The following PDXP variants were observed in gnomAD, a reference collection of about 807,000 sequenced individuals.
The protein encoded by PDXP is pyridoxal phosphatase, also known as chronophin.
A neutral mutation model predicts 14.4 loss-of-function variants in PDXP; 15 were observed. That is an observed-to-expected ratio of 1.04 (90% confidence interval 0.70 to 1.60). The LOEUF is 1.60. Among genes scored for constraint, PDXP ranks in the 40% most tolerant of loss-of-function variants. PDXP has a pLI of 0.00. For missense variants in PDXP, 413 were observed against 427.6 expected (o/e 0.97, Z 0.30); for synonymous variants, 233 against 205.6 (o/e 1.13, Z -1.14).
rs1203400540 is a variant in PDXP, at chr22:37,665,525, C to T, written c.575-30C>T. 2.6e-6 allele frequency: 4 copies of T among 1,560,672 alleles called. No homozygotes were observed. The African/African-American group carries it at 4.0e-5, about 16-fold the overall frequency. ...GGCCTGACGCTGTCCCTGCCGCCCT[C>T]CTGCTGACTGCGTCTCCATCTCCCT... On this transcript the variant is annotated intron_variant, in intron 1 of 1. Transcript: ENST00000215904.
At chr22:37,659,526 C>T (rs1251030054) in intron 1 of PDXP, among the ~76,000 whole-genome samples, 170 bp downstream of exon 1, 1 of 152,136 alleles carries the variant, frequency 6.6e-6, no homozygotes, top group Non-Finnish European at 1.5e-5. Flanking sequence ...TCCCTGTAGC[C>T]GTCATCCTGT....
Position 37,663,919 on chromosome 22 carries a change from C to CTCTT in PDXP, c.575-1635_575-1634insCTTT, listed in dbSNP as rs1486863368. Among the ~76,000 whole-genome samples the CTCTT allele has an allele frequency of 1.2e-3, 121 of 98,286 alleles. 3 individuals carry two copies. Among genetic ancestry groups the CTCTT allele is most frequent in the African/African-American group, 5.4e-3 (121 of 22,480 alleles). 64.5% of individuals were successfully genotyped at this position (98,286 alleles called of 152,430 possible). On this transcript the variant is annotated intron_variant, in intron 1 of 1. Coordinates refer to ENST00000215904, the MANE Select transcript of PDXP (RefSeq NM_020315.5). ...TGCAGCTGTGCCTGGAATACGTTGA[C>CTCTT]TTTTTTTTTTTTTTTTTTTTTTTTT...
In PDXP at chr22:37,659,213, G is replaced by T; in HGVS notation, c.431G>T (p.Arg144Leu). The part of the protein sequence containing the change: ...SAGDGAAPRV[R>L]AVLVGYDEHF... ...GGGGACGGCGCGGCCCCGCGCGTGC[G>T]CGCCGTGCTTGTGGGCTACGACGAG... The change falls in exon 1 of 2, where the codon CGC (arginine) becomes CTC (leucine). Residue 144 changes from arginine (R) to leucine (L), a missense_variant. Transcript: ENST00000215904. The T allele has an allele frequency of 1.6e-6, 2 of 1,278,538 alleles. No individual in the cohort carries two copies. Among genetic ancestry groups the T allele is most frequent in the Non-Finnish European group, 2.0e-6 (2 of 1,010,772 alleles). The allele number at this position is 1,278,538 out of a possible 1,614,324, so 79.2% of individuals were successfully genotyped here.
intron 1 of PDXP, among the ~76,000 whole-genome samples, chr22:37,663,789 T>G (rs1000679352): frequency 1.3e-5 from 2 of 152,034 alleles, no homozygotes; most frequent in African/African-American, 2.4e-5. Context: ...CAGTGAAGAG[T>G]GCCCTGGACC....
chr22:37,658,825 G>T lies in PDXP; in HGVS notation c.43G>T (p.Val15Leu). The T allele has an allele frequency of 8.4e-7, 1 of 1,188,964 alleles. No individual in the cohort carries two copies. The highest frequency in any genetic ancestry group is 1.0e-6 in the Non-Finnish European group (1 of 960,002). 73.7% of individuals were successfully genotyped at this position (1,188,964 alleles called of 1,614,324 possible). ...ERLRGAALRD[V>L]LGRAQGVLFD... ...GCTGCGCGGAGCGGCCCTGCGCGAC[G>T]TGCTGGGCCGGGCGCAGGGGGTCCT... The change falls in exon 1 of 2, where the codon GTG becomes TTG. Residue 15 changes from valine (V) to leucine (L), a missense_variant. Transcript: ENST00000215904.
Position 37,665,852 on chromosome 22 carries a change from C to T in PDXP, c.872C>T (p.Thr291Ile), listed in dbSNP as rs769953009. Residue 291 changes from threonine (T) to isoleucine (I), a missense_variant, in exon 2 of 2, where the codon ACA (threonine) becomes ATA (isoleucine). Coordinates refer to ENST00000215904, the MANE Select transcript of PDXP (RefSeq NM_020315.5). ...HYYVESIADL[T>I]EGLED ...TATGTGGAGAGCATCGCAGACTTGA[C>T]AGAGGGGTTGGAGGACTGAGCCCAC... 5.0e-6 allele frequency: 8 copies of T among 1,613,400 alleles called. No homozygotes were observed. In the Admixed American group the frequency reaches 8.3e-5, roughly 17 times the overall value.
At position 37,659,181 on chromosome 22, in the gene PDXP, G is replaced by A; in HGVS notation, c.399G>A (p.Pro133=). The part of the protein sequence containing the change: ...RAAGLRLAGD[P]SAGDGAAPRV... ...CGGGGCTGCGCCTGGCCGGGGACCC[G>A]AGCGCGGGGGACGGCGCGGCCCCGC... is the stretch of plus-strand genomic sequence containing the variant. The change falls in exon 1 of 2, where the codon CCG becomes CCA. Residue 133 remains proline (P), a synonymous_variant. Transcript: ENST00000215904. The A allele has an allele frequency of 8.4e-7, 1 of 1,189,084 alleles. No homozygotes were observed. The highest frequency in any genetic ancestry group is 1.0e-6 in the Non-Finnish European group (1 of 960,456). The allele number at this position is 1,189,084 out of a possible 1,614,324, so 73.7% of individuals were successfully genotyped here.
Position 37,658,786 on chromosome 22 carries a change from G to A in PDXP, c.4G>A (p.Ala2Thr). Residue 2 changes from alanine to threonine, a missense_variant, in exon 1 of 2, where the codon GCG (alanine) becomes ACG (threonine). Physicochemically the swap from Ala to Thr is moderately conservative, Grantham distance 58 (BLOSUM62 0). Coordinates refer to ENST00000215904, the MANE Select transcript of PDXP (RefSeq NM_020315.5). ...AGGCCGGCGGCCGGCCGGCTGCATGGCGCGCTGCGAGAGGCTGCGCGGAGC... is the reference window on the plus strand; with the variant it reads ...AGGCCGGCGGCCGGCCGGCTGCATGACGCGCTGCGAGAGGCTGCGCGGAGC... M[A>T]RCERLRGAAL... 8.5e-7 allele frequency: 1 copy of A among 1,171,780 alleles called. No individual in the cohort carries two copies. Among genetic ancestry groups the A allele is most frequent in the Non-Finnish European group, 1.1e-6 (1 of 949,344 alleles). The allele number at this position is 1,171,780 out of a possible 1,614,324, so 72.6% of individuals were successfully genotyped here. A position where few individuals can be genotyped will look rare whatever the true frequency, so the allele number is the denominator to read the frequency against.
chr22:37,665,519 C>G, intron 1 of PDXP, 36 bp from the exon 2 acceptor site: 1 of 1,531,460 alleles, frequency 6.5e-7, no homozygotes, highest in South Asian at 1.2e-5. Context: ...CTGTCCCTGC[C>G]GCCCTCCTGC....
intron 1 of PDXP, 125 bp downstream of exon 1, chr22:37,659,481 G>A (rs1287358552): frequency 1.5e-6 from 1 of 664,066 alleles, no homozygotes; most frequent in East Asian, 3.4e-5. Flanking sequence ...GAGTGCGAGG[G>A]AGGCCCAGGG....
chr22:37,662,987 CTAAA>C (rs536587448), intron 1 of PDXP, among the ~76,000 whole-genome samples: 2 of 150,472 alleles, frequency 1.3e-5, no homozygotes, highest in Non-Finnish European at 3.0e-5. Flanking sequence ...GACTCCATCT[CTAAA>C]TAAATAAATA....
chr22:37,663,533 A>T (rs151011023), intron 1 of PDXP, among the ~76,000 whole-genome samples: 1 of 151,944 alleles, frequency 6.6e-6, no homozygotes, highest in East Asian at 2.0e-4. Context: ...TCTTCACTCA[A>T]TATCATCCTG....
At chr22:37,665,221 C>T (rs1921029017) in intron 1 of PDXP, 3 of 390,756 alleles carry the variant, frequency 7.7e-6, no homozygotes, top group Non-Finnish European at 1.4e-5. Context: ...GCAGGACTGA[C>T]CGAGCCAGGC....
At position 37,665,586 on chromosome 22, in the gene PDXP, A is replaced by G. The variant is rs921600762; in HGVS notation, c.606A>G (p.Thr202=). 1 of 1,611,938 alleles carries G rather than the reference A, an allele frequency of 6.2e-7. No homozygotes were observed. Among genetic ancestry groups the G allele is most frequent in the East Asian group, 2.2e-5 (1 of 44,842 alleles). ...GTGSLAAAVE[T]ASGRQALVVG... ...GGAGCCTGGCCGCTGCAGTGGAGAC[A>G]GCCTCGGGACGCCAGGCCCTGGTGG... The change falls in exon 2 of 2, where the codon ACA becomes ACG. Residue 202 remains threonine (T), a synonymous_variant. Coordinates refer to ENST00000215904, the MANE Select transcript of PDXP (RefSeq NM_020315.5).
At position 37,658,772 on chromosome 22, in the gene PDXP, C is replaced by T. The variant is rs926105609; in HGVS notation, c.-11C>T. On this transcript the variant is annotated 5_prime_UTR_variant, in exon 1 of 2. Transcript: ENST00000215904. ...GAGCGCGGCGCGGGAGGCCGGCGGC[C>T]GGCCGGCTGCATGGCGCGCTGCGAG... The T allele has an allele frequency of 3.0e-5, 35 of 1,162,792 alleles. No homozygotes were observed. Among genetic ancestry groups the T allele is most frequent in the Middle Eastern group, 3.5e-4 (1 of 2,840 alleles). The allele number at this position is 1,162,792 out of a possible 1,614,324, so 72.0% of individuals were successfully genotyped here.
Position 37,661,420 on chromosome 22 carries a change from C to G in PDXP, c.574+2064C>G, listed in dbSNP as rs531038751. Reference sequence around the variant, plus strand: ...CATGATGTGTATGTCTGAAATAATGCAAATATCTCACCCCCAACTCCTCCT... The same window carrying G: ...CATGATGTGTATGTCTGAAATAATGGAAATATCTCACCCCCAACTCCTCCT... On this transcript the variant is annotated intron_variant, in intron 1 of 1. Coordinates refer to ENST00000215904, the MANE Select transcript of PDXP (RefSeq NM_020315.5). Among the ~76,000 whole-genome samples the G allele has an allele frequency of 2.0e-5, 3 of 152,230 alleles. No homozygotes were observed. In the South Asian group the frequency reaches 6.2e-4, roughly 32 times the overall value.
Position 37,665,422 on chromosome 22 carries a change from C to T in PDXP, c.575-133C>T, listed in dbSNP as rs1020564211. ...TACCCTTAACCACTACAGTGAGACT[C>T]GGAAGTGGGCTTTCTGGCTCCTGTC... On this transcript the variant is annotated intron_variant, in intron 1 of 1. Coordinates refer to ENST00000215904, the MANE Select transcript of PDXP (RefSeq NM_020315.5). 23 of 681,826 alleles carry T rather than the reference C, an allele frequency of 3.4e-5. No homozygotes were observed. The African/African-American group carries it at 3.4e-4, about 10-fold the overall frequency. 42.2% of individuals were successfully genotyped at this position (681,826 alleles called of 1,614,324 possible). A position where few individuals can be genotyped will look rare whatever the true frequency, so the allele number is the denominator to read the frequency against.
rs1569017736 is a variant in PDXP, at chr22:37,665,888, GC to G, written c.*19del. 1 of 1,604,194 alleles carries G rather than the reference GC, an allele frequency of 6.2e-7. No individual in the cohort carries two copies. Among genetic ancestry groups the G allele is most frequent in the East Asian group, 2.2e-5 (1 of 44,748 alleles). ...GAGGACTGAGCCCACTGCACCTGCAGCCACAGGCCCACCCCTCCCCACTCCC... is the reference window on the plus strand; with the variant it reads ...GAGGACTGAGCCCACTGCACCTGCAGCACAGGCCCACCCCTCCCCACTCCC... On this transcript the variant is annotated 3_prime_UTR_variant, in exon 2 of 2. Transcript: ENST00000215904.
chr22:37,665,443 C>A (rs6000855), intron 1 of PDXP, 112 bp from the exon 2 acceptor site: 9 of 840,936 alleles, frequency 1.1e-5, no homozygotes, highest in South Asian at 8.7e-5. Flanking sequence ...TTTCTGGCTC[C>A]TGTCAGCAGC....
Sources: gnomAD v4.1 joint callset for allele counts (sites outside exome capture counted in the v4.1 genomes callset) on GRCh38, gnomAD v4.1.1 for gene constraint, MANE v1.5 for transcripts, NCBI Gene and HGNC (gene_info 2026-07-23, HGNC 2026-07-21) for gene names.